HOMER2: variants seen among roughly 807,000 people sequenced by gnomAD.
HOMER2 encodes homer scaffold protein 2, also known as homer protein homolog 2.
HOMER2 carries 27 observed loss-of-function variants against 47.0 expected under a neutral mutation model. The observed-to-expected ratio is 0.57, with a 90% CI of 0.42 to 0.79. HOMER2 has a LOEUF of 0.79. HOMER2 is among the 30% of genes least tolerant of loss of function. HOMER2 has a pLI of 0.00. For synonymous variants in HOMER2, 161 were observed against 163.8 expected (o/e 0.98, Z 0.13); for missense variants, 443 against 435.0 (o/e 1.02, Z -0.16).
chr15:82,843,091 T>G (rs1341707136), exon 2 of HOMER2: 2 of 151,798 alleles, frequency 1.3e-5, no homozygotes, highest in East Asian at 1.9e-4. Flanking sequence ...TAGAAAGAAA[T>G]AATAAAAGTA....
chr15:82,839,588 A>G (rs954204449), exon 2 of HOMER2: 1 of 152,252 alleles, frequency 6.6e-6, no homozygotes, highest in Non-Finnish European at 1.5e-5. Flanking sequence ...ACAAAGGTAT[A>G]CAAGCCTTTA....
At chr15:82,935,437 C>G (rs73451124) in intron 1 of HOMER2, among the ~76,000 whole-genome samples, 1,614 of 152,228 alleles carry the variant, frequency 0.011, 31 homozygotes, top group African/African-American at 0.037. Context: ...GTGTTACACA[C>G]TCAATCCTGA....
At chr15:82,860,190 C>G (rs371652515) in intron 4 of HOMER2, among the ~76,000 whole-genome samples, 30 of 152,134 alleles carry the variant, frequency 2.0e-4, no homozygotes, top group African/African-American at 7.0e-4. Context: ...GAGCTGAGAT[C>G]GTGCCACTGC....
intron 1 of HOMER2, among the ~76,000 whole-genome samples, chr15:82,944,740 GTTTT>G (rs1010742326): frequency 1.4e-5 from 2 of 146,224 alleles, no homozygotes; most frequent in Admixed American, 1.4e-4. Flanking sequence ...TTTGCCCACG[GTTTT>G]TTTTTTTTAA....
chr15:82,835,058 C>G (rs1371513335), downstream of HOMER2: 1 of 152,092 alleles, frequency 6.6e-6, no homozygotes, highest in Non-Finnish European at 1.5e-5. Flanking sequence ...CTCCACAGAA[C>G]AAAAGGAACG....
At position 82,902,489 on chromosome 15, in the gene HOMER2, C is replaced by T. The variant is rs906085353; in HGVS notation, c.6-9648G>A. Among the ~76,000 whole-genome samples the T allele has an allele frequency of 3.3e-5, 5 of 152,286 alleles. No individual in the cohort carries two copies. The South Asian group carries it at 8.3e-4, about 25-fold the overall frequency. ...GGGATTACAGGCATGAGCCACTGTG[C>T]CCAGCCAATATCCAAGTGATTTCTA... is the stretch of plus-strand genomic sequence containing the variant. On this transcript the variant is annotated intron_variant, in intron 1 of 8. Transcript: ENST00000450735.
chr15:82,952,483 G>T, intron 1 of HOMER2, 48 bp downstream of exon 1: 1 of 1,157,546 alleles, frequency 8.6e-7, no homozygotes, highest in Non-Finnish European at 1.1e-6. Context: ...CGGCCCCGCA[G>T]TCCCTCCGGA....
intron 2 of HOMER2, among the ~76,000 whole-genome samples, chr15:82,882,606 C>A (rs1020855018): frequency 6.6e-6 from 1 of 152,220 alleles, no homozygotes; most frequent in Non-Finnish European, 1.5e-5. Context: ...AAGAACAGGT[C>A]TGAGTACAGA....
intron 1 of HOMER2, among the ~76,000 whole-genome samples, chr15:82,949,821 G>C (rs2054466435): frequency 1.3e-5 from 2 of 152,224 alleles, no homozygotes; most frequent in African/African-American, 4.8e-5. Flanking sequence ...CACATTTCAA[G>C]TGTCCAATAA....
At chr15:82,859,648 C>T (rs763651995) in intron 4 of HOMER2, among the ~76,000 whole-genome samples, 1 of 152,186 alleles carries the variant, frequency 6.6e-6, no homozygotes, top group African/African-American at 2.4e-5. Context: ...ATTAAAGAGA[C>T]AAGAACCAGG....
chr15:82,960,808 C>T (rs1157643726), intron 1 of HOMER2, among the ~76,000 whole-genome samples: 1 of 152,194 alleles, frequency 6.6e-6, no homozygotes, highest in East Asian at 1.9e-4. Flanking sequence ...TTCCTAGAAT[C>T]TTTGCTTCAG....
chr15:82,943,488 G>A (rs1172609246), intron 1 of HOMER2, among the ~76,000 whole-genome samples: 2 of 152,202 alleles, frequency 1.3e-5, no homozygotes, highest in East Asian at 3.9e-4. Flanking sequence ...GAGCATCCTG[G>A]AAGAGGCTCC....
chr15:82,855,241 G>T (rs1324187239), intron 5 of HOMER2, among the ~76,000 whole-genome samples: 1 of 136,784 alleles, frequency 7.3e-6, no homozygotes, highest in African/African-American at 2.8e-5. Context: ...CAGAAGAATC[G>T]CTTGAACCCA....
upstream of HOMER2, among the ~76,000 whole-genome samples, chr15:82,953,106 A>C (rs1252988717): frequency 1.3e-5 from 2 of 152,204 alleles, no homozygotes; most frequent in Non-Finnish European, 2.9e-5. Context: ...CCAAGGTCAC[A>C]CATTCAGATT....
At chr15:82,910,286 C>A (rs1200072531) in intron 1 of HOMER2, among the ~76,000 whole-genome samples, 2 of 151,988 alleles carry the variant, frequency 1.3e-5, no homozygotes, top group Non-Finnish European at 2.9e-5. Flanking sequence ...GTGGTTGACT[C>A]GTGGGTTGGT....
At chr15:82,905,587 C>T (rs1596340743) in intron 1 of HOMER2, among the ~76,000 whole-genome samples, 1 of 152,178 alleles carries the variant, frequency 6.6e-6, no homozygotes, top group Non-Finnish European at 1.5e-5. Flanking sequence ...AAAGAAACAC[C>T]TTACCTACAA....
intron 1 of HOMER2, among the ~76,000 whole-genome samples, chr15:82,922,365 A>G (rs909514753): frequency 5.3e-5 from 8 of 152,268 alleles, no homozygotes; most frequent in African/African-American, 1.9e-4. Flanking sequence ...CTCTAAATCA[A>G]GAACACTTTT....
At chr15:82,903,678 C>T (rs986961573) in intron 1 of HOMER2, among the ~76,000 whole-genome samples, 1 of 152,032 alleles carries the variant, frequency 6.6e-6, no homozygotes, top group East Asian at 1.9e-4. Context: ...CACACACACA[C>T]GCCACACCCC....
intron 1 of HOMER2, among the ~76,000 whole-genome samples, chr15:82,967,706 T>TA (rs1165224792): frequency 1.1e-4 from 17 of 152,040 alleles, no homozygotes; most frequent in African/African-American, 4.1e-4. Context: ...AAACCCCACC[T>TA]CTACTACTAA....
Sources: allele counts gnomAD v4.1 joint callset (sites outside exome capture counted in the v4.1 genomes callset), GRCh38; gene constraint gnomAD v4.1.1; transcripts MANE v1.5; gene names NCBI Gene and HGNC (gene_info 2026-07-23, HGNC 2026-07-21).